Variants in HERC3 observed in about 807,000 individuals in gnomAD.
HERC3 encodes the protein HECT and RLD domain containing E3 ubiquitin protein ligase 3, also known as probable E3 ubiquitin-protein ligase HERC3.
Under a neutral mutation model 129.9 loss-of-function variants are expected in HERC3, and 58 were observed. That is an observed-to-expected ratio of 0.45 (90% CI 0.36 to 0.56). The LOEUF is 0.56. Ranked by LOEUF, HERC3 falls within the 20% of genes least tolerant of loss-of-function variation. HERC3 has a pLI of 0.00. For missense variants in HERC3, 835 were observed against 1,244.2 expected, an observed-to-expected ratio of 0.67 and a Z score of 4.95; for synonymous variants, 430 against 451.0, an observed-to-expected ratio of 0.95 and a Z score of 0.59.
At chr4:88,610,870 G>A (rs942731994) in intron 3 of HERC3, among the ~76,000 whole-genome samples, 2 of 152,238 alleles carry the variant, frequency 1.3e-5, no homozygotes, top group Non-Finnish European at 2.9e-5. Context: ...CTAATGGTAG[G>A]TGTTGCTGGG....
intron 3 of HERC3, among the ~76,000 whole-genome samples, chr4:88,614,596 T>C (rs528311249): frequency 1.2e-4 from 19 of 152,324 alleles, no homozygotes; most frequent in Non-Finnish European, 2.2e-4. Flanking sequence ...GACTACTGTT[T>C]GTCAGCTGCC....
At chr4:88,576,094 C>T in the HERC3 span, among the ~76,000 whole-genome samples, 6 of 152,330 alleles carry the variant, frequency 3.9e-5, no homozygotes, top group South Asian at 1.2e-3. Context: ...TCCCAACCCT[C>T]TATTCCTAGC....
At chr4:88,644,541 G>A (rs1436987611) in intron 3 of HERC3, among the ~76,000 whole-genome samples, 4 of 152,154 alleles carry the variant, frequency 2.6e-5, no homozygotes. Flanking sequence ...TTACATGACA[G>A]CATAAAAAAC....
rs747079815 is a variant in HERC3, at chr4:88,652,948, A to C, written c.543A>C (p.Pro181=). The C allele has an allele frequency of 2.5e-6, 4 of 1,614,030 alleles. No individual in the cohort carries two copies. The highest frequency in any genetic ancestry group is 3.4e-6 in the Non-Finnish European group (4 of 1,180,044). Residue 181 remains proline (P), a synonymous_variant, in exon 6 of 26, where the codon CCA becomes CCC. Coordinates refer to ENST00000402738, the MANE Select transcript of HERC3 (RefSeq NM_014606.3). The part of the protein sequence containing the change: ...LGKEFPSQAS[P]QRVRSLEGIP... ...AGGAGTTCCCCTCCCAAGCCAGCCC[A>C]CAGAGGGTGAGGTCCCTGGAGGGGA...
At chr4:88,625,537 T>C (rs987180511) in intron 3 of HERC3, among the ~76,000 whole-genome samples, 3 of 152,232 alleles carry the variant, frequency 2.0e-5, no homozygotes, top group Admixed American at 6.5e-5. Flanking sequence ...AATTACTTTG[T>C]TAAACTCTCT....
chr4:88,555,404 G>A, the HERC3 span, among the ~76,000 whole-genome samples: 3 of 152,162 alleles, frequency 2.0e-5, no homozygotes, highest in Admixed American at 2.0e-4. Flanking sequence ...GAGTATGACA[G>A]CATGGAAGTT....
chr4:88,654,439 A>C (rs1414697643), intron 7 of HERC3, among the ~76,000 whole-genome samples: 3 of 145,116 alleles, frequency 2.1e-5, no homozygotes, highest in African/African-American at 7.5e-5. Flanking sequence ...TATAATGTAG[A>C]TTATATAAAA....
intron 1 of HERC3, among the ~76,000 whole-genome samples, chr4:88,593,960 A>C (rs1418810661): frequency 6.6e-6 from 1 of 152,220 alleles, no homozygotes; most frequent in Admixed American, 6.5e-5. Flanking sequence ...AAAATAATTG[A>C]ATTACATATT....
chr4:88,629,010 T>C (rs1391422863), intron 3 of HERC3, among the ~76,000 whole-genome samples: 1 of 152,122 alleles, frequency 6.6e-6, no homozygotes, highest in African/African-American at 2.4e-5. Flanking sequence ...CCGTCTTTAC[T>C]AAAAATATGA....
At chr4:88,651,060 A>G (rs1246520346) in intron 4 of HERC3, among the ~76,000 whole-genome samples, 2 of 152,202 alleles carry the variant, frequency 1.3e-5, no homozygotes, top group African/African-American at 2.4e-5. Flanking sequence ...AATTAATTTA[A>G]TTTTGTGGGG....
chr4:88,550,730 A>G, the HERC3 span, among the ~76,000 whole-genome samples: 3 of 149,630 alleles, frequency 2.0e-5, no homozygotes, highest in Non-Finnish European at 4.5e-5. Flanking sequence ...TATAGATTCA[A>G]TGCCATCCCC....
chr4:88,565,317 A>G, the HERC3 span, among the ~76,000 whole-genome samples: 10 of 152,230 alleles, frequency 6.6e-5, no homozygotes, highest in African/African-American at 2.4e-4. Context: ...GATCTGTCCA[A>G]TGCTGAAAGT....
At chr4:88,597,164 C>G (rs1722490191) in intron 2 of HERC3, among the ~76,000 whole-genome samples, 1 of 152,176 alleles carries the variant, frequency 6.6e-6, no homozygotes, top group Non-Finnish European at 1.5e-5. Flanking sequence ...GAGTTTCTCA[C>G]TGCATTGGAC....
the HERC3 span, among the ~76,000 whole-genome samples, chr4:88,573,049 G>A: frequency 6.6e-6 from 1 of 152,106 alleles, no homozygotes; most frequent in Non-Finnish European, 1.5e-5. Flanking sequence ...AGTATTCACT[G>A]GATTTTAATT....
intron 11 of HERC3, among the ~76,000 whole-genome samples, chr4:88,662,820 G>A (rs2149289853): frequency 6.6e-6 from 1 of 152,172 alleles, no homozygotes; most frequent in South Asian, 2.1e-4. Context: ...CCTGACTGAT[G>A]AAGGCCTGAG....
intron 3 of HERC3, among the ~76,000 whole-genome samples, chr4:88,626,734 A>AT (rs1726140548): frequency 6.6e-6 from 1 of 152,100 alleles, no homozygotes; most frequent in African/African-American, 2.4e-5. Flanking sequence ...ATATTCCCTT[A>AT]TCCTCTTAGT....
At chr4:88,700,931 A>G (rs1735262160) in intron 23 of HERC3, among the ~76,000 whole-genome samples, 1 of 152,156 alleles carries the variant, frequency 6.6e-6, no homozygotes, top group African/African-American at 2.4e-5. Context: ...TACCCACATT[A>G]TGGAGGGTAA....
At chr4:88,613,105 A>T (rs1299349773) in intron 3 of HERC3, among the ~76,000 whole-genome samples, 2 of 152,226 alleles carry the variant, frequency 1.3e-5, no homozygotes, top group Non-Finnish European at 2.9e-5. Context: ...ATCTGAACTT[A>T]CATAAGTGTC....
the HERC3 span, among the ~76,000 whole-genome samples, chr4:88,562,061 G>A: frequency 2.0e-5 from 3 of 152,012 alleles, no homozygotes; most frequent in African/African-American, 7.2e-5. Flanking sequence ...GTTTTTTGAG[G>A]AACCTCCATA....
Sources: gnomAD v4.1 joint callset for allele counts (sites outside exome capture counted in the v4.1 genomes callset) on GRCh38, gnomAD v4.1.1 for gene constraint, MANE v1.5 for transcripts, NCBI Gene and HGNC (gene_info 2026-07-23, HGNC 2026-07-21) for gene names.